CFAP210: variants seen among roughly 807,000 people sequenced by gnomAD.
CFAP210 encodes the protein cilia and flagella associated protein 210.
At chr2:169,685,000 A>T in the CFAP210 span, among the ~76,000 whole-genome samples, 2 of 152,216 alleles carry the variant, frequency 1.3e-5, no homozygotes, top group Non-Finnish European at 2.9e-5. Flanking sequence ...CTATAGAAGT[A>T]GCACATTTTG....
the CFAP210 span, among the ~76,000 whole-genome samples, chr2:169,654,430 C>T: frequency 4.6e-5 from 7 of 152,112 alleles, no homozygotes; most frequent in Non-Finnish European, 7.4e-5. Flanking sequence ...AAAATGGAAA[C>T]AACCTCTAAA....
the CFAP210 span, among the ~76,000 whole-genome samples, chr2:169,659,757 CT>C: frequency 6.6e-6 from 1 of 152,186 alleles, no homozygotes; most frequent in African/African-American, 2.4e-5. Context: ...TCCCCAAAGT[CT>C]TAACTCATTC....
chr2:169,682,609 T>C, the CFAP210 span, among the ~76,000 whole-genome samples: 1 of 152,224 alleles, frequency 6.6e-6, no homozygotes, highest in Admixed American at 6.5e-5. Flanking sequence ...GCTTGCACTC[T>C]AACTGTAAGG....
the CFAP210 span, among the ~76,000 whole-genome samples, chr2:169,688,101 A>G: frequency 6.6e-6 from 1 of 152,186 alleles, no homozygotes; most frequent in South Asian, 2.1e-4. Context: ...TAGGCTGCAC[A>G]CAGCACAGGG....
chr2:169,673,066 AC>A, the CFAP210 span, among the ~76,000 whole-genome samples: 2 of 152,228 alleles, frequency 1.3e-5, no homozygotes, highest in Non-Finnish European at 2.9e-5. Context: ...GACAAAGCCC[AC>A]CATGAGAAGT....
the CFAP210 span, among the ~76,000 whole-genome samples, chr2:169,681,710 G>T: frequency 9.2e-5 from 14 of 152,150 alleles, no homozygotes; most frequent in African/African-American, 3.4e-4. Context: ...ATAGTCCCAG[G>T]GTGGGCCTAA....
chr2:169,648,491 A>C, the CFAP210 span, among the ~76,000 whole-genome samples: 1 of 152,188 alleles, frequency 6.6e-6, no homozygotes, highest in Non-Finnish European at 1.5e-5. Flanking sequence ...ATTTTAAAAA[A>C]CTCAGCACTA....
At chr2:169,681,282 A>G in the CFAP210 span, 2 of 1,375,266 alleles carry the variant, frequency 1.5e-6, no homozygotes, top group Non-Finnish European at 2.0e-6. Flanking sequence ...GAACAGTTTA[A>G]GTGATATTCG....
the CFAP210 span, among the ~76,000 whole-genome samples, chr2:169,677,674 C>T: frequency 2.0e-3 from 311 of 152,222 alleles, 1 homozygote; most frequent in Non-Finnish European, 3.4e-3. Context: ...GAATATCTAC[C>T]TTCACTACAT....
chr2:169,658,712 G>A, the CFAP210 span: 4 of 306,842 alleles, frequency 1.3e-5, no homozygotes, highest in East Asian at 1.1e-4. Context: ...GCTTATTCCC[G>A]AACTGTTATT....
chr2:169,667,714 G>A, the CFAP210 span, among the ~76,000 whole-genome samples: 1 of 152,050 alleles, frequency 6.6e-6, no homozygotes, highest in Non-Finnish European at 1.5e-5. Context: ...CATTGTCAAT[G>A]AGCAGTAATA....
the CFAP210 span, among the ~76,000 whole-genome samples, chr2:169,664,846 A>T: frequency 1.4e-4 from 22 of 152,308 alleles, no homozygotes; most frequent in African/African-American, 5.3e-4. Context: ...GAAGATTCCA[A>T]ATCTGTACTT....
chr2:169,679,713 G>A, the CFAP210 span, among the ~76,000 whole-genome samples: 14 of 145,704 alleles, frequency 9.6e-5, no homozygotes, highest in Admixed American at 1.4e-4. Context: ...AGGTGCCAGT[G>A]TCTACTGTTA....
At chr2:169,692,972 G>T in the CFAP210 span, among the ~76,000 whole-genome samples, 1 of 152,126 alleles carries the variant, frequency 6.6e-6, no homozygotes, top group African/African-American at 2.4e-5. Context: ...AAATCCAGCT[G>T]TTTTTCTTTA....
chr2:169,666,919 ATCCAT>A, the CFAP210 span, among the ~76,000 whole-genome samples: 741 of 152,236 alleles, frequency 4.9e-3, 4 homozygotes, highest in African/African-American at 0.017. Flanking sequence ...TCAGCTTCTC[ATCCAT>A]TCAAGTTTTA....
chr2:169,672,367 T>C, the CFAP210 span, among the ~76,000 whole-genome samples: 2 of 152,216 alleles, frequency 1.3e-5, no homozygotes, highest in East Asian at 1.9e-4. Context: ...TGTGTGTGTA[T>C]GTGTGAGTTT....
At chr2:169,689,719 T>C in the CFAP210 span, among the ~76,000 whole-genome samples, 1 of 152,228 alleles carries the variant, frequency 6.6e-6, no homozygotes, top group Admixed American at 6.5e-5. Flanking sequence ...CCATTAACTA[T>C]GATGTTAGCT....
the CFAP210 span, among the ~76,000 whole-genome samples, chr2:169,694,055 T>A: frequency 2.0e-5 from 3 of 152,014 alleles, no homozygotes; most frequent in Admixed American, 2.0e-4. Context: ...CCACTTCCAC[T>A]CCCCGTTTCC....
At chr2:169,651,602 G>A in the CFAP210 span, among the ~76,000 whole-genome samples, 9 of 151,488 alleles carry the variant, frequency 5.9e-5, no homozygotes, top group East Asian at 2.0e-4. Context: ...TGATCCGCCC[G>A]CCTCAGCCTC....
Sources: allele counts gnomAD v4.1 joint callset (sites outside exome capture counted in the v4.1 genomes callset), GRCh38; gene constraint gnomAD v4.1.1; transcripts MANE v1.5; gene names NCBI Gene and HGNC (gene_info 2026-07-23, HGNC 2026-07-21).